The following TRABD2B variants were observed in gnomAD, a reference collection of about 807,000 sequenced individuals.
The protein encoded by TRABD2B is metalloprotease TIKI2.
Under a neutral mutation model 40.1 loss-of-function variants are expected in TRABD2B, and 14 were observed. The observed-to-expected ratio is 0.35, with a 90% CI of 0.23 to 0.55. TRABD2B has a LOEUF of 0.55. Among genes scored for constraint, TRABD2B ranks in the 20% least tolerant of loss-of-function variants. The pLI, the probability that TRABD2B is intolerant of heterozygous loss-of-function variation, is 0.90. For missense variants in TRABD2B, 541 were observed against 648.6 expected (o/e 0.83, Z 1.80); for synonymous variants, 263 against 277.0 (o/e 0.95, Z 0.50).
At chr1:47,897,294 G>T (rs1644535899) in intron 2 of TRABD2B, among the ~76,000 whole-genome samples, 1 of 152,172 alleles carries the variant, frequency 6.6e-6, no homozygotes, top group Admixed American at 6.5e-5. Flanking sequence ...TGGAGGGGAG[G>T]TAGGAGACGA....
At chr1:47,976,709 A>G (rs1047073519) in intron 2 of TRABD2B, among the ~76,000 whole-genome samples, 1 of 152,188 alleles carries the variant, frequency 6.6e-6, no homozygotes, top group Non-Finnish European at 1.5e-5. Flanking sequence ...CCTGAGGTAG[A>G]TAGGGATGGA....
At chr1:47,901,080 G>GAC (rs1329500724) in intron 2 of TRABD2B, among the ~76,000 whole-genome samples, 3 of 152,132 alleles carry the variant, frequency 2.0e-5, no homozygotes, top group African/African-American at 7.2e-5. Flanking sequence ...ACAACTGAAG[G>GAC]ACTGGTTTAA....
chr1:47,853,725 T>A (rs1047944333), intron 2 of TRABD2B, among the ~76,000 whole-genome samples: 3 of 152,154 alleles, frequency 2.0e-5, no homozygotes, highest in African/African-American at 7.2e-5. Flanking sequence ...TTTGAATAGC[T>A]CTGTCAATCT....
chr1:47,966,120 T>C (rs1240291327), intron 2 of TRABD2B, among the ~76,000 whole-genome samples: 2 of 152,120 alleles, frequency 1.3e-5, no homozygotes, highest in Non-Finnish European at 2.9e-5. Context: ...TTGAGTCCCA[T>C]ATACCAACTC....
At chr1:47,876,655 A>G (rs964346617) in intron 2 of TRABD2B, among the ~76,000 whole-genome samples, 1 of 152,230 alleles carries the variant, frequency 6.6e-6, no homozygotes, top group Non-Finnish European at 1.5e-5. Flanking sequence ...GCAACATGCC[A>G]GAAACTTCCC....
chr1:47,944,810 T>C (rs1202126271), intron 2 of TRABD2B, among the ~76,000 whole-genome samples: 1 of 152,156 alleles, frequency 6.6e-6, no homozygotes, highest in Non-Finnish European at 1.5e-5. Context: ...AGCAGGCTGA[T>C]TCCAGAACAC....
At chr1:47,831,418 G>T (rs1172238037) in intron 2 of TRABD2B, among the ~76,000 whole-genome samples, 1 of 152,154 alleles carries the variant, frequency 6.6e-6, no homozygotes, top group Non-Finnish European at 1.5e-5. Context: ...GCTGCTGCGG[G>T]CGCAGTGTGA....
At chr1:47,974,561 C>T (rs1172336029) in intron 2 of TRABD2B, among the ~76,000 whole-genome samples, 1 of 152,212 alleles carries the variant, frequency 6.6e-6, no homozygotes, top group Non-Finnish European at 1.5e-5. Context: ...TAAATCCTCA[C>T]TGGAATAAAA....
At chr1:47,827,414 A>C (rs1313649630) in intron 2 of TRABD2B, among the ~76,000 whole-genome samples, 1 of 152,226 alleles carries the variant, frequency 6.6e-6, no homozygotes, top group African/African-American at 2.4e-5. Context: ...CAAGACCCTT[A>C]TCTCTCTGCT....
At position 47,997,254 on chromosome 1, in the gene TRABD2B, C is replaced by T. The variant is rs1175048120; in HGVS notation, c.-465G>A. 5.1e-6 allele frequency: 5 copies of T among 979,832 alleles called. No homozygotes were observed. The highest frequency in any genetic ancestry group is 4.8e-6 in the Non-Finnish European group (4 of 826,982). The allele number at this position is 979,832 out of a possible 1,614,324, so 60.7% of individuals were successfully genotyped here. A position where few individuals can be genotyped will look rare whatever the true frequency, so the allele number is the denominator to read the frequency against. ...GCAGTGGGACAAGTGCGGCGGAAGG[C>T]GCGGCAGGGGTGGGGGGCGGCTCTG... On this transcript the variant is annotated 5_prime_UTR_variant, in exon 1 of 7. Transcript: ENST00000606738.
At chr1:47,887,582 G>A (rs576976555) in intron 2 of TRABD2B, among the ~76,000 whole-genome samples, 18 of 151,980 alleles carry the variant, frequency 1.2e-4, no homozygotes, top group East Asian at 9.9e-4. Context: ...GGTGGGGGCC[G>A]GCGGGGGGTG....
Position 47,901,544 on chromosome 1 carries a change from C to T in TRABD2B, c.666+92490G>A, listed in dbSNP as rs1470090288. On this transcript the variant is annotated intron_variant, in intron 2 of 6. Coordinates refer to ENST00000606738, the MANE Select transcript of TRABD2B (RefSeq NM_001194986.2). The stretch of plus-strand genomic sequence containing the variant: ...CTCTGCCTCCAGGCCAGCTGGTATT[C>T]AACAGCCTCCACCTCCCTGACTTAA... Among the ~76,000 whole-genome samples, 3 of 152,190 alleles carry T rather than the reference C, an allele frequency of 2.0e-5. No homozygotes were observed. In the East Asian group the frequency reaches 5.8e-4, roughly 29 times the overall value.
At chr1:47,880,561 AGTG>A (rs1456641577) in intron 2 of TRABD2B, among the ~76,000 whole-genome samples, 2 of 152,152 alleles carry the variant, frequency 1.3e-5, no homozygotes, top group Non-Finnish European at 2.9e-5. Flanking sequence ...GAGAGAACAG[AGTG>A]GGGAGTCGCT....
chr1:47,833,894 A>C (rs1645282639), intron 2 of TRABD2B, among the ~76,000 whole-genome samples: 1 of 152,280 alleles, frequency 6.6e-6, no homozygotes, highest in Non-Finnish European at 1.5e-5. Flanking sequence ...TCTGGAAATT[A>C]ACCAAAGGCT....
At chr1:47,801,852 T>C (rs2406334) in intron 2 of TRABD2B, among the ~76,000 whole-genome samples, 103,291 of 152,166 alleles carry the variant, frequency 0.68, 35,620 homozygotes, top group East Asian at 0.98. Context: ...CAGGTCCCCA[T>C]TCCTGCTCTG....
chr1:47,973,711 A>G (rs533287822), intron 2 of TRABD2B, among the ~76,000 whole-genome samples: 2 of 152,324 alleles, frequency 1.3e-5, no homozygotes, highest in South Asian at 4.1e-4. Flanking sequence ...TCCCACCTGA[A>G]CTATTCTAAT....
At chr1:47,795,559 C>T (rs75120510) in intron 3 of TRABD2B, 159,924 of 718,184 alleles carry the variant, frequency 0.22, 18,215 homozygotes, top group East Asian at 0.46. Flanking sequence ...TGCGTGGCAC[C>T]GGGCAAGTTA....
chr1:47,875,637 T>C (rs937148590), intron 2 of TRABD2B, among the ~76,000 whole-genome samples: 2 of 122,360 alleles, frequency 1.6e-5, no homozygotes, highest in Non-Finnish European at 3.1e-5. Flanking sequence ...CAGTGAACCA[T>C]GATCGTGCTA....
intron 6 of TRABD2B, among the ~76,000 whole-genome samples, chr1:47,768,951 G>A (rs1200754570): frequency 6.6e-6 from 1 of 152,216 alleles, no homozygotes; most frequent in Non-Finnish European, 1.5e-5. Context: ...GACAGGCCAA[G>A]GAGCCGTCCC....
Sources: allele counts gnomAD v4.1 joint callset (sites outside exome capture counted in the v4.1 genomes callset), GRCh38; gene constraint gnomAD v4.1.1; transcripts MANE v1.5; gene names NCBI Gene and HGNC (gene_info 2026-07-23, HGNC 2026-07-21).